The following SPTB variants were observed in gnomAD, a reference collection of about 807,000 sequenced individuals.
The protein encoded by SPTB is spectrin beta chain, erythrocytic.
A neutral mutation model predicts 256.2 loss-of-function variants in SPTB; 45 were observed. The observed-to-expected ratio is 0.18, with a 90% CI of 0.14 to 0.23. The LOEUF (loss-of-function observed/expected upper bound fraction) is 0.23. Ranked by LOEUF, SPTB falls within the 10% of genes least tolerant of loss-of-function variation. SPTB has a pLI of 1.00. For missense variants in SPTB, 2,715 were observed against 3,040.4 expected (o/e 0.89, Z 2.52); for synonymous variants, 1,231 against 1,243.1 (o/e 0.99, Z 0.21).
At chr14:64,822,899 C>T (rs773952690) in intron 2 of SPTB, 48 bp downstream of exon 2, 7 of 1,611,732 alleles carry the variant, frequency 4.3e-6, no homozygotes, top group Admixed American at 1.7e-5. Context: ...GGCTGTGAAC[C>T]TTGTGACTGT....
At position 64,749,757 on chromosome 14, in the gene SPTB, G is replaced by C. The variant is rs1197880527; in HGVS notation, c.6777-61C>G. ...CTCTGGAGGGGGCGCTGGGCAGAGG[G>C]CTGGCTCTGATCCCACAATACCCTG... On this transcript the variant is annotated intron_variant, in intron 34 of 35. Transcript: ENST00000644917. This position sits in a 1 kb window ranked among gnomAD's most constrained non-coding sequence, Gnocchi z 4.7. 1.3e-6 allele frequency: 2 copies of C among 1,587,904 alleles called. No individual in the cohort carries two copies. The highest frequency in any genetic ancestry group is 8.6e-7 in the Non-Finnish European group (1 of 1,163,848).
chr14:64,826,827 C>T lies in SPTB; in HGVS notation c.-51-3682G>A, dbSNP rs967619856. Among the ~76,000 whole-genome samples, 4 of 152,138 alleles carry T rather than the reference C, an allele frequency of 2.6e-5. No homozygotes were observed. Among genetic ancestry groups the T allele is most frequent in the African/African-American group, 9.7e-5 (4 of 41,418 alleles). On this transcript the variant is annotated intron_variant, in intron 1 of 35. Coordinates refer to ENST00000644917, the MANE Select transcript of SPTB (RefSeq NM_001355436.2). This position sits in a 1 kb window ranked among gnomAD's most constrained non-coding sequence, Gnocchi z 4.4. ...ACAGTCCAGAGTCATCCTTACCTGC[C>T]TTCTGCCACCACCGACCCCAGGCTA...
intron 1 of SPTB, among the ~76,000 whole-genome samples, chr14:64,869,837 C>T (rs1414906769): frequency 1.4e-5 from 2 of 142,390 alleles, no homozygotes; most frequent in African/African-American, 5.2e-5. Flanking sequence ...GCTATGTTGT[C>T]CAGGCTGGTC....
At position 64,793,181 on chromosome 14, in the gene SPTB, C is replaced by T; in HGVS notation, c.2482G>A (p.Glu828Lys). The change falls in exon 14 of 36, where the codon GAG (glutamate) becomes AAG (lysine). Residue 828 changes from glutamate (E) to lysine (K), a missense_variant. Physicochemically the swap from Glu to Lys is moderately conservative, Grantham distance 56 (BLOSUM62 1). Around this residue, in one of 4 missense-constraint regions of SPTB, gnomAD observed 2,239 missense variants for 2,384.4 expected, o/e 0.94. Coordinates refer to ENST00000644917, the MANE Select transcript of SPTB (RefSeq NM_001355436.2). This position sits in a 1 kb window ranked among gnomAD's most constrained non-coding sequence, Gnocchi z 7.0. ...DVTHRLQALR[E>K]LYQQVVAQAD... is the part of the protein sequence containing the mutation. ...TGGGCCACCACCTGTTGGTAGAGCT[C>T]CCGCAGGGCCTGCAGCCGATGGGTC... 1 of 1,613,644 alleles carries T rather than the reference C, an allele frequency of 6.2e-7. No individual in the cohort carries two copies. Among genetic ancestry groups the T allele is most frequent in the Non-Finnish European group, 8.5e-7 (1 of 1,180,042 alleles).
chr14:64,766,492 G>C (rs979918581), intron 32 of SPTB: 2 of 1,444,492 alleles, frequency 1.4e-6, no homozygotes, highest in Non-Finnish European at 1.8e-6. Context: ...TCACTGGGCT[G>C]GCCTGTTTCC....
intron 33 of SPTB, among the ~76,000 whole-genome samples, chr14:64,753,028 G>A (rs781384201): frequency 1.3e-5 from 2 of 152,120 alleles, no homozygotes; most frequent in Non-Finnish European, 2.9e-5. Flanking sequence ...ACCTCTGGGG[G>A]GCAACTAGGC....
At chr14:64,817,025 A>T (rs2139680785) in intron 2 of SPTB, among the ~76,000 whole-genome samples, 1 of 152,386 alleles carries the variant, frequency 6.6e-6, no homozygotes, top group African/African-American at 2.4e-5. Context: ...GTGTATTAAT[A>T]TTTGATAAAG....
intron 9 of SPTB, among the ~76,000 whole-genome samples, chr14:64,799,008 C>T (rs2082830026): frequency 6.6e-6 from 1 of 152,116 alleles, no homozygotes; most frequent in African/African-American, 2.4e-5. Flanking sequence ...TGCATTTGTA[C>T]ATGTGGTTGT....
chr14:64,750,960 A>C (rs566501006), intron 33 of SPTB, among the ~76,000 whole-genome samples: 34 of 143,368 alleles, frequency 2.4e-4, no homozygotes, highest in African/African-American at 8.0e-4. Context: ...TACATATTTT[A>C]TACATCATAT....
intron 20 of SPTB, among the ~76,000 whole-genome samples, chr14:64,780,431 G>A (rs2082449062): frequency 6.6e-6 from 1 of 152,122 alleles, no homozygotes; most frequent in Non-Finnish European, 1.5e-5. Flanking sequence ...TATTATTTTT[G>A]AGATGGAGTT....
rs373748284 is a variant in SPTB at position 64,754,052 on chromosome 14, CAATGT to C, written c.6346-264_6346-260del. 2.8e-3 allele frequency: 1,670 copies of C among 593,104 alleles called. 10 individuals carry two copies. Among genetic ancestry groups the C allele is most frequent in the Non-Finnish European group, 3.8e-3 (1,259 of 331,832 alleles). The allele number at this position is 593,104 out of a possible 1,614,324, so 36.7% of individuals were successfully genotyped here. A position where few individuals can be genotyped will look rare whatever the true frequency, so the allele number is the denominator to read the frequency against. On this transcript the variant is annotated intron_variant, in intron 32 of 35. Transcript: ENST00000644917. ...GAGCTGCAGGGTGGCCCCCTCTCTC[CAATGT>C]AACATAGCAACGGAAGGTTCTCAGA...
chr14:64,854,771 G>A (rs774003864), intron 1 of SPTB, among the ~76,000 whole-genome samples: 159 of 152,280 alleles, frequency 1.0e-3, no homozygotes, highest in Non-Finnish European at 2.0e-3. Context: ...GATGCCGGCA[G>A]GCCAAGGCCT....
rs144051169 is a variant in SPTB, at chr14:64,753,643, G to A, written c.6496C>T (p.Pro2166Ser). 1.9e-6 allele frequency: 3 copies of A among 1,613,672 alleles called. No individual in the cohort carries two copies. The highest frequency in any genetic ancestry group is 2.2e-5 in the South Asian group (2 of 91,074). ...TCCCGCGGGGCCGGCAGCGTTGCGG[G>A]CTCATCACCCTCGCTCAGAGGCGTA... ...LDTPLSEGDE[P>S]ATLPAPRDHG... Residue 2166 changes from proline (P) to serine (S), a missense_variant, in exon 33 of 36, where the codon CCC (proline) becomes TCC (serine). By Grantham distance (74) the Pro-to-Ser change is moderately conservative. Transcript: ENST00000644917.
chr14:64,787,857 C>G (rs939180864), intron 15 of SPTB, among the ~76,000 whole-genome samples: 13 of 152,236 alleles, frequency 8.5e-5, no homozygotes, highest in Non-Finnish European at 1.9e-4. Context: ...AAAGAGCTGC[C>G]CATCAGCCAG....
chr14:64,749,436 G>A lies in SPTB; in HGVS notation c.6857C>T (p.Ala2286Val). 6.2e-7 allele frequency: 1 copy of A among 1,604,196 alleles called. No individual in the cohort carries two copies. The highest frequency in any genetic ancestry group is 8.5e-7 in the Non-Finnish European group (1 of 1,179,076). Residue 2286 changes from alanine to valine, a missense_variant, in exon 36 of 36, where the codon GCC (alanine) becomes GTC (valine). This residue lies in a region of SPTB where 2,239 missense variants were observed against 2,384.4 expected (regional missense o/e 0.94). Coordinates refer to ENST00000644917, the MANE Select transcript of SPTB (RefSeq NM_001355436.2). The surrounding 1 kb of genome is among the most constrained non-coding windows in gnomAD (Gnocchi z 4.7). The stretch of plus-strand genomic sequence containing the variant: ...GCGGATGCTCTGGGACTCGTTGATG[G>A]CGGTGCTCACGCCCTGCAGCCAGGA... Reference protein sequence around the residue: ...MLSWLQGVSTAINESQSIRVK... With the variant: ...MLSWLQGVSTVINESQSIRVK...
At chr14:64,768,386 A>G (rs1040133704) in intron 29 of SPTB, among the ~76,000 whole-genome samples, 1 of 152,234 alleles carries the variant, frequency 6.6e-6, no homozygotes, top group Non-Finnish European at 1.5e-5. Context: ...TTAGAACTCT[A>G]TTTTGAAAAC....
At chr14:64,774,015 A>C (rs11158558) in intron 24 of SPTB, among the ~76,000 whole-genome samples, 40,760 of 152,052 alleles carry the variant, frequency 0.27, 6,211 homozygotes, top group African/African-American at 0.42. Context: ...GCACTCCTAC[A>C]TCATGGTTCT....
At chr14:64,774,599 C>G (rs1229603241) in intron 23 of SPTB, 72 bp from the exon 24 acceptor site, 5 of 1,548,656 alleles carry the variant, frequency 3.2e-6, no homozygotes, top group Non-Finnish European at 3.5e-6. Flanking sequence ...GTTGTGCCCC[C>G]ACTCCTGGAG....
At position 64,794,562 on chromosome 14, in the gene SPTB, A is replaced by T; in HGVS notation, c.1700T>A (p.Leu567Gln). The T allele has an allele frequency of 6.2e-7, 1 of 1,614,158 alleles. No individual in the cohort carries two copies. The highest frequency in any genetic ancestry group is 1.1e-5 in the South Asian group (1 of 91,080). Residue 567 changes from leucine (L) to glutamine (Q), a missense_variant, in exon 13 of 36, where the codon CTA (leucine) becomes CAA (glutamine). Leu to Gln is a moderately radical substitution (Grantham distance 113). Coordinates refer to ENST00000644917, the MANE Select transcript of SPTB (RefSeq NM_001355436.2). ...GKHLLEVEDL[L>Q]QKHKLMEADI... ...AGCTTCCATCAACTTGTGCTTCTGT[A>T]GCAGGTCTTCAACCTCCAACAAGTG...
Sources: gnomAD v4.1 joint callset for allele counts (sites outside exome capture counted in the v4.1 genomes callset) on GRCh38, gnomAD v4.1.1 for gene constraint, gnomAD v4.1.1 regional missense constraint, Gnocchi (gnomAD v3.1) non-coding constraint, MANE v1.5 for transcripts, NCBI Gene and HGNC (gene_info 2026-07-23, HGNC 2026-07-21) for gene names.